The following MCTP1 variants were observed in gnomAD, a reference collection of about 807,000 sequenced individuals.
The protein encoded by MCTP1 is multiple C2 and transmembrane domain-containing protein 1.
Under a neutral mutation model 120.6 loss-of-function variants are expected in MCTP1, and 69 were observed. The ratio of observed to expected loss-of-function variants is 0.57; its 90% CI spans 0.47 to 0.70. The LOEUF is 0.70. Ranked by LOEUF, MCTP1 falls within the 30% of genes least tolerant of loss-of-function variation. MCTP1 has a pLI of 0.00. For synonymous variants in MCTP1, 529 were observed against 493.1 expected, an observed-to-expected ratio of 1.07 and a Z score of -0.96; for missense variants, 1,203 against 1,248.8, an observed-to-expected ratio of 0.96 and a Z score of 0.55.
chr5:94,802,267 C>T lies in MCTP1; in HGVS notation c.2437-3135G>A, dbSNP rs908637129. 5.9e-5 allele frequency among the ~76,000 whole-genome samples: 9 copies of T among 151,970 alleles called. No homozygotes were observed. In the East Asian group the frequency reaches 1.7e-3, roughly 29 times the overall value. Reference sequence around the variant, plus strand: ...AAGCATTTATTTTTCTTTTTCAGCACCTAAATGAAGATTTCAAAAGGTTAA... The same window carrying T: ...AAGCATTTATTTTTCTTTTTCAGCATCTAAATGAAGATTTCAAAAGGTTAA... On this transcript the variant is annotated intron_variant, in intron 17 of 22. Coordinates refer to ENST00000515393, the MANE Select transcript of MCTP1 (RefSeq NM_024717.7).
At chr5:95,080,343 A>C (rs931753050) in intron 1 of MCTP1, among the ~76,000 whole-genome samples, 1 of 152,216 alleles carries the variant, frequency 6.6e-6, no homozygotes, top group African/African-American at 2.4e-5. Flanking sequence ...CAAAGGAAGC[A>C]GTATTCTCCA....
intron 2 of MCTP1, among the ~76,000 whole-genome samples, chr5:94,971,967 A>C (rs1826989373): frequency 6.6e-6 from 1 of 152,104 alleles, no homozygotes; most frequent in South Asian, 2.1e-4. Flanking sequence ...ATCTGTTCTT[A>C]AGATCTTTGT....
At chr5:95,162,717 C>T (rs1475462360) in intron 1 of MCTP1, among the ~76,000 whole-genome samples, 1 of 152,174 alleles carries the variant, frequency 6.6e-6, no homozygotes, top group African/African-American at 2.4e-5. Flanking sequence ...TTTCTCCCAG[C>T]TTCAATAATA....
chr5:95,121,277 C>CA (rs34423597), intron 1 of MCTP1, among the ~76,000 whole-genome samples: 14,164 of 35,060 alleles, frequency 0.4, 4,080 homozygotes, highest in Non-Finnish European at 0.45. Flanking sequence ...GACTCCATCA[C>CA]AAAAAAAAAA....
chr5:95,166,133 C>G (rs527437399), intron 1 of MCTP1: 1 of 152,226 alleles, frequency 6.6e-6, no homozygotes, highest in Non-Finnish European at 1.5e-5. Flanking sequence ...CTCTTGCTCC[C>G]ATACGACCAA....
intron 11 of MCTP1, among the ~76,000 whole-genome samples, chr5:94,891,413 T>C (rs771879044): frequency 8.5e-5 from 13 of 152,206 alleles, no homozygotes; most frequent in Non-Finnish European, 1.3e-4. Context: ...GCTTACACAA[T>C]GTTGTAAATC....
intron 18 of MCTP1, among the ~76,000 whole-genome samples, chr5:94,786,411 T>C (rs1451278642): frequency 6.7e-6 from 1 of 149,366 alleles, no homozygotes; most frequent in Admixed American, 6.6e-5. Flanking sequence ...AATAATGATA[T>C]TTTTTATCTT....
chr5:94,917,201 G>A (rs1810303242), intron 8 of MCTP1, among the ~76,000 whole-genome samples: 1 of 152,054 alleles, frequency 6.6e-6, no homozygotes, highest in Non-Finnish European at 1.5e-5. Context: ...GCACCTAAAG[G>A]GCAAGGAGTA....
intron 1 of MCTP1, among the ~76,000 whole-genome samples, chr5:95,274,275 C>G (rs1488961017): frequency 6.6e-6 from 1 of 152,202 alleles, no homozygotes; most frequent in African/African-American, 2.4e-5. Context: ...AAATCCTAAT[C>G]ACACTTCAAA....
intron 18 of MCTP1, among the ~76,000 whole-genome samples, chr5:94,781,332 G>A (rs1024266226): frequency 1.2e-4 from 19 of 152,064 alleles, no homozygotes; most frequent in African/African-American, 4.6e-4. Context: ...GTGGTGGGCT[G>A]TGCTTAGCAG....
At chr5:95,271,465 G>GAC (rs1759389172) in intron 1 of MCTP1, among the ~76,000 whole-genome samples, 2 of 149,742 alleles carry the variant, frequency 1.3e-5, no homozygotes, top group Admixed American at 1.3e-4. Context: ...CCTCAAATTA[G>GAC]AAAAAAAAAA....
chr5:94,974,036 T>C (rs1472148714), intron 2 of MCTP1, among the ~76,000 whole-genome samples: 2 of 152,086 alleles, frequency 1.3e-5, no homozygotes, highest in African/African-American at 2.4e-5. Context: ...AAAATAAACA[T>C]TCAATAACTA....
At chr5:94,910,117 T>C (rs931522223) in intron 9 of MCTP1, among the ~76,000 whole-genome samples, 1 of 149,324 alleles carries the variant, frequency 6.7e-6, no homozygotes, top group Non-Finnish European at 1.5e-5. Flanking sequence ...TATGAGTATA[T>C]ATGTATGTAT....
At chr5:95,018,059 G>A (rs934237931) in intron 1 of MCTP1, among the ~76,000 whole-genome samples, 1 of 151,996 alleles carries the variant, frequency 6.6e-6, no homozygotes. Context: ...TAAATTTCTA[G>A]TGCTGTTTTC....
chr5:95,092,973 GAAAGT>G (rs1424242824), intron 1 of MCTP1, among the ~76,000 whole-genome samples: 1 of 152,156 alleles, frequency 6.6e-6, no homozygotes, highest in Non-Finnish European at 1.5e-5. Context: ...ATAGGGAGCT[GAAAGT>G]AAAGAAGCAC....
intron 16 of MCTP1, among the ~76,000 whole-genome samples, chr5:94,869,397 T>C (rs180748949): frequency 1.8e-4 from 28 of 152,166 alleles, no homozygotes; most frequent in African/African-American, 6.7e-4. Context: ...TTTTAACAAG[T>C]GGCTAAAATT....
At chr5:95,117,906 C>A (rs149189493) in intron 1 of MCTP1, among the ~76,000 whole-genome samples, 1 of 152,066 alleles carries the variant, frequency 6.6e-6, no homozygotes, top group Non-Finnish European at 1.5e-5. Context: ...AGCAAACTAA[C>A]GCAGGAGTAG....
intron 1 of MCTP1, among the ~76,000 whole-genome samples, chr5:95,262,144 G>A (rs1463785139): frequency 6.6e-6 from 1 of 152,118 alleles, no homozygotes; most frequent in African/African-American, 2.4e-5. Flanking sequence ...ATGGGATCTG[G>A]GCAGAGACAG....
At chr5:94,794,259 G>T (rs1324403929) in intron 18 of MCTP1, among the ~76,000 whole-genome samples, 8 of 152,188 alleles carry the variant, frequency 5.3e-5, no homozygotes, top group Admixed American at 3.9e-4. Flanking sequence ...TTGTGTCAAA[G>T]AAATTTTTGA....
Sources: gnomAD v4.1 joint callset for allele counts (sites outside exome capture counted in the v4.1 genomes callset) on GRCh38, gnomAD v4.1.1 for gene constraint, MANE v1.5 for transcripts, NCBI Gene and HGNC (gene_info 2026-07-23, HGNC 2026-07-21) for gene names.